TMTC4: variants seen among roughly 807,000 people sequenced by gnomAD.
TMTC4 encodes protein O-mannosyl-transferase TMTC4.
In TMTC4, 65 loss-of-function variants were observed where a neutral mutation model predicts 86.0. The ratio of observed to expected loss-of-function variants is 0.76; its 90% CI spans 0.62 to 0.93. The LOEUF (loss-of-function observed/expected upper bound fraction) is 0.93. Ranked by LOEUF, TMTC4 falls within the 40% of genes least tolerant of loss-of-function variation. TMTC4 has a pLI of 0.00. For missense variants in TMTC4, 866 were observed against 948.1 expected (o/e 0.91, Z 1.14); for synonymous variants, 379 against 382.5 (o/e 0.99, Z 0.11).
chr13:100,674,491 G>GCGGTCA lies in TMTC4; in HGVS notation c.-208+252_-208+253insTGACCG, dbSNP rs200241124. 3.2e-6 allele frequency: 3 copies of GCGGTCA among 949,442 alleles called. No homozygotes were observed. In the African/African-American group the frequency reaches 5.3e-5, roughly 17 times the overall value. The allele number at this position is 949,442 out of a possible 1,614,324, so 58.8% of individuals were successfully genotyped here. A position where few individuals can be genotyped will look rare whatever the true frequency, so the allele number is the denominator to read the frequency against. On this transcript the variant is annotated intron_variant, in intron 1 of 18. Coordinates refer to ENST00000342624, the MANE Select transcript of TMTC4 (RefSeq NM_032813.5). The stretch of plus-strand genomic sequence containing the variant: ...AGAAGCTCAGGGGCCCGAGCGCGGC[G>GCGGTCA]GGCGGGGCGCGCAGCCTCCACGCCG...
Position 100,604,748 on chromosome 13 carries a change from A to G in TMTC4, c.*246T>C. On this transcript the variant is annotated 3_prime_UTR_variant, in exon 19 of 19. Transcript: ENST00000342624. ...CTCTTTTTCTGTTTAATTAAAAAAG[A>G]CATTTTTGGAATTTTAGAATTACAT... The G allele has an allele frequency of 2.8e-6, 1 of 357,382 alleles. No homozygotes were observed. The allele number at this position is 357,382 out of a possible 1,614,324, so 22.1% of individuals were successfully genotyped here. A position where few individuals can be genotyped will look rare whatever the true frequency, so the allele number is the denominator to read the frequency against.
intron 17 of TMTC4, among the ~76,000 whole-genome samples, chr13:100,608,242 T>C (rs1025685462): frequency 6.6e-6 from 1 of 152,038 alleles, no homozygotes; most frequent in Non-Finnish European, 1.5e-5. Context: ...AGTCAGCAAT[T>C]TGGGGGACAC....
At position 100,644,128 on chromosome 13, in the gene TMTC4, CAG is replaced by C. The variant is rs1883401334; in HGVS notation, c.641-1819_641-1818del. On this transcript the variant is annotated intron_variant, in intron 6 of 18. Transcript: ENST00000342624. Reference sequence around the variant, plus strand: ...TTTTTTTTTTTTTTTCTTTTTGAGACAGAGTCTCACTCTGTCGCCCAGGCTGG... The same window carrying C: ...TTTTTTTTTTTTTTTCTTTTTGAGACAGTCTCACTCTGTCGCCCAGGCTGG... 1.6e-5 allele frequency among the ~76,000 whole-genome samples: 2 copies of C among 125,568 alleles called. 1 individual carries two copies. The highest frequency in any genetic ancestry group is 5.8e-4 in the South Asian group (2 of 3,470). 82.4% of individuals were successfully genotyped at this position (125,568 alleles called of 152,430 possible).
intron 6 of TMTC4, among the ~76,000 whole-genome samples, chr13:100,654,511 G>C (rs1268500956): frequency 6.6e-6 from 1 of 151,858 alleles, no homozygotes; most frequent in African/African-American, 2.4e-5. Flanking sequence ...CTTGCCAAAA[G>C]CTTTATTTAA....
chr13:100,624,055 G>C (rs1395946744), intron 15 of TMTC4: 1 of 232,230 alleles, frequency 4.3e-6, no homozygotes, highest in Non-Finnish European at 8.7e-6. Flanking sequence ...GGCTGGGCAT[G>C]GTGGCTCATG....
At chr13:100,622,781 TTTA>T (rs927157792) in intron 15 of TMTC4, among the ~76,000 whole-genome samples, 23 of 152,026 alleles carry the variant, frequency 1.5e-4, no homozygotes, top group Non-Finnish European at 1.2e-4. Flanking sequence ...TTTTTTTAAA[TTTA>T]TTATTATTAT....
Position 100,634,948 on chromosome 13 carries a change from A to G in TMTC4, c.1375-12T>C. 1.2e-6 allele frequency: 2 copies of G among 1,613,482 alleles called. No individual in the cohort carries two copies. Among genetic ancestry groups the G allele is most frequent in the Non-Finnish European group, 1.7e-6 (2 of 1,179,604 alleles). On this transcript the variant is annotated splice_polypyrimidine_tract_variant and intron_variant, in intron 11 of 18. Coordinates refer to ENST00000342624, the MANE Select transcript of TMTC4 (RefSeq NM_032813.5). ...GCGGCAATGAGTTTCTTAAGAACAG[A>G]AAGACATGGTAATTGTCACCAGTGA...
chr13:100,637,502 GAA>G lies in TMTC4; in HGVS notation c.999+34_999+35del, dbSNP rs747014271. ...GGGATCTGGGAATCTGGTGGGGGAA[GAA>G]AAGAGTCCAGGGGGCGGCAGGCTCA... On this transcript the variant is annotated intron_variant, in intron 9 of 18. Transcript: ENST00000342624. The G allele has an allele frequency of 6.5e-5, 103 of 1,579,138 alleles. No individual in the cohort carries two copies. In the African/African-American group the frequency reaches 1.1e-3, roughly 17 times the overall value.
rs35563246 is a variant in TMTC4, at chr13:100,656,542, C to CTTTTTTTTTTTTTTTTTTTTTT, written c.553-75_553-74insAAAAAAAAAAAAAAAAAAAAAA. 4.5e-4 allele frequency: 172 copies of CTTTTTTTTTTTTTTTTTTTTTT among 385,914 alleles called. 19 individuals carry two copies. Among genetic ancestry groups the CTTTTTTTTTTTTTTTTTTTTTT allele is most frequent in the Admixed American group, 2.0e-3 (30 of 14,824 alleles). The allele number at this position is 385,914 out of a possible 1,614,324, so 23.9% of individuals were successfully genotyped here. ...GAAATCCTAAACTTAGGAGACATAA[C>CTTTTTTTTTTTTTTTTTTTTTT]TTTTTTTTTTTTTTTTTTGCGACAG... On this transcript the variant is annotated intron_variant, in intron 5 of 18. Transcript: ENST00000342624.
intron 6 of TMTC4, 99 bp from the exon 7 acceptor site, chr13:100,642,410 A>AT: frequency 7.4e-7 from 1 of 1,347,370 alleles, no homozygotes; most frequent in East Asian, 2.3e-5. Flanking sequence ...TTAAACAACC[A>AT]TAACTTAAAA....
At chr13:100,674,813 G>A (rs1449145714), upstream of TMTC4, 1 of 981,592 alleles carries the variant, frequency 1.0e-6, no homozygotes, top group Non-Finnish European at 1.2e-6. Flanking sequence ...CCAGGCACCC[G>A]CCCGGACCTG....
At chr13:100,622,751 A>G (rs60166415) in intron 15 of TMTC4, among the ~76,000 whole-genome samples, 24,769 of 152,018 alleles carry the variant, frequency 0.16, 2,214 homozygotes, top group Middle Eastern at 0.24. Context: ...ACATGCAACC[A>G]CTTCACTTTA....
In TMTC4 at chr13:100,606,343, G is replaced by T; in HGVS notation, c.2134+15C>A. On this transcript the variant is annotated intron_variant, in intron 18 of 18. Transcript: ENST00000342624. ...ACAAAATTTCAACACGATTCAAGTT[G>T]AACATTTTTCTTACCCAAATTACCA... The T allele has an allele frequency of 6.2e-6, 10 of 1,611,368 alleles. No homozygotes were observed. Among genetic ancestry groups the T allele is most frequent in the South Asian group, 2.2e-5 (2 of 90,690 alleles).
rs569874821 is a variant in TMTC4, at chr13:100,664,583, C to T, written c.220-247G>A. 5.9e-5 allele frequency among the ~76,000 whole-genome samples: 9 copies of T among 152,288 alleles called. No individual in the cohort carries two copies. In the East Asian group the frequency reaches 1.5e-3, roughly 26 times the overall value. On this transcript the variant is annotated intron_variant, in intron 3 of 18. Transcript: ENST00000342624. ...GGCTGTTGCAGACCCTGGCTTCCCC[C>T]GAACTCTGCAGGCCCATAGCTCTGG...
At chr13:100,659,404 A>G (rs535462173) in intron 5 of TMTC4, among the ~76,000 whole-genome samples, 1 of 152,144 alleles carries the variant, frequency 6.6e-6, no homozygotes, top group East Asian at 1.9e-4. Flanking sequence ...AGTAGCTGGG[A>G]CTCCAGGCAT....
chr13:100,609,762 A>AT (rs914436874), intron 17 of TMTC4, among the ~76,000 whole-genome samples: 2 of 151,934 alleles, frequency 1.3e-5, no homozygotes, highest in Admixed American at 6.6e-5. Context: ...GTTGTTGTGC[A>AT]TTTTTTTGTA....
At chr13:100,660,397 ACTG>A (rs1261611381) in intron 5 of TMTC4, among the ~76,000 whole-genome samples, 3 of 152,054 alleles carry the variant, frequency 2.0e-5, no homozygotes, top group Non-Finnish European at 2.9e-5. Context: ...AGGAGCCTAT[ACTG>A]CTATTACTGT....
chr13:100,663,670 C>T (rs1036043662), intron 4 of TMTC4, among the ~76,000 whole-genome samples: 2 of 152,194 alleles, frequency 1.3e-5, no homozygotes, highest in African/African-American at 4.8e-5. Flanking sequence ...ATTCTGACTG[C>T]TTCTCAGCTG....
At chr13:100,648,234 A>G (rs1354232589) in intron 6 of TMTC4, among the ~76,000 whole-genome samples, 1 of 152,200 alleles carries the variant, frequency 6.6e-6, no homozygotes, top group Admixed American at 6.5e-5. Flanking sequence ...CCAAGAAAGT[A>G]ATCATTACAG....
Sources: allele counts gnomAD v4.1 joint callset (sites outside exome capture counted in the v4.1 genomes callset), GRCh38; gene constraint gnomAD v4.1.1; transcripts MANE v1.5; gene names NCBI Gene and HGNC (gene_info 2026-07-23, HGNC 2026-07-21).